PTPRM: variants seen among roughly 807,000 people sequenced by gnomAD.
The protein encoded by PTPRM is receptor-type tyrosine-protein phosphatase mu.
In PTPRM, 47 loss-of-function variants were observed where a neutral mutation model predicts 186.7. The observed-to-expected ratio is 0.25, with a 90% CI of 0.20 to 0.32. The LOEUF is 0.32. Ranked by LOEUF, PTPRM falls within the 10% of genes least tolerant of loss-of-function variation. The pLI is 1.00. For missense variants in PTPRM, 1,494 were observed against 1,865.0 expected (o/e 0.80, Z 3.66); for synonymous variants, 668 against 674.9 (o/e 0.99, Z 0.16).
intron 7 of PTPRM, among the ~76,000 whole-genome samples, chr18:8,041,487 A>G (rs1483328754): frequency 6.6e-6 from 1 of 151,834 alleles, no homozygotes; most frequent in Admixed American, 6.6e-5. Context: ...AAGGCCAAGC[A>G]TATTTGTCAT....
intron 7 of PTPRM, among the ~76,000 whole-genome samples, chr18:8,022,901 C>A (rs1428559362): frequency 6.6e-6 from 1 of 152,156 alleles, no homozygotes; most frequent in Non-Finnish European, 1.5e-5. Context: ...ACTGGACAAG[C>A]TTCTGAGGAA....
chr18:7,643,233 T>G (rs962660316), intron 1 of PTPRM, among the ~76,000 whole-genome samples: 2 of 152,212 alleles, frequency 1.3e-5, no homozygotes, highest in African/African-American at 4.8e-5. Context: ...TATAATGCTT[T>G]ATAAAATAAA....
chr18:7,939,818 G>T (rs1180727825), intron 5 of PTPRM, among the ~76,000 whole-genome samples: 1 of 152,118 alleles, frequency 6.6e-6, no homozygotes, highest in Non-Finnish European at 1.5e-5. Flanking sequence ...ATTTTTTATG[G>T]TCCTTCTGTC....
At chr18:8,044,043 C>A (rs1054626124) in intron 7 of PTPRM, among the ~76,000 whole-genome samples, 1 of 152,208 alleles carries the variant, frequency 6.6e-6, no homozygotes, top group Non-Finnish European at 1.5e-5. Context: ...ACAACAAATT[C>A]TCTGTCTGGA....
chr18:7,942,080 C>T (rs766016749), intron 5 of PTPRM, among the ~76,000 whole-genome samples: 2 of 152,020 alleles, frequency 1.3e-5, no homozygotes, highest in Non-Finnish European at 2.9e-5. Context: ...TTCAGGATTT[C>T]GAGACCAGGC....
At chr18:7,958,444 T>C (rs1482708797) in intron 7 of PTPRM, among the ~76,000 whole-genome samples, 1 of 151,984 alleles carries the variant, frequency 6.6e-6, no homozygotes, top group Non-Finnish European at 1.5e-5. Flanking sequence ...TGAGGAATGG[T>C]GGAAAGAACT....
intron 19 of PTPRM, among the ~76,000 whole-genome samples, chr18:8,295,243 G>A (rs2095083669): frequency 6.6e-6 from 1 of 152,200 alleles, no homozygotes; most frequent in African/African-American, 2.4e-5. Flanking sequence ...CTAAGCAACA[G>A]TTTACCTCAT....
chr18:8,250,428 G>T (rs1354206389), intron 17 of PTPRM, among the ~76,000 whole-genome samples: 1 of 151,972 alleles, frequency 6.6e-6, no homozygotes, highest in Non-Finnish European at 1.5e-5. Flanking sequence ...AAAACTATTA[G>T]TGAGAAGCTT....
rs1302608463 is a variant in PTPRM at position 7,743,634 on chromosome 18, G to A, written c.74-30515G>A. Among the ~76,000 whole-genome samples the A allele has an allele frequency of 2.6e-5, 4 of 152,290 alleles. No individual in the cohort carries two copies. The South Asian group carries it at 8.3e-4, about 32-fold the overall frequency. On this transcript the variant is annotated intron_variant, in intron 1 of 32. Coordinates refer to ENST00000580170, the MANE Select transcript of PTPRM (RefSeq NM_001105244.2). ...AAGAAGTAGACATAGGGCTTTATTA[G>A]TGCAGGATTAAGCATGTAGTTGGCT...
intron 5 of PTPRM, among the ~76,000 whole-genome samples, chr18:7,942,109 C>A (rs539523202): frequency 6.6e-6 from 1 of 151,938 alleles, no homozygotes; most frequent in Admixed American, 6.6e-5. Context: ...ATGGTGAAAC[C>A]CTGTGTCTAC....
chr18:7,873,217 G>A (rs1267336678), intron 2 of PTPRM, among the ~76,000 whole-genome samples: 2 of 152,058 alleles, frequency 1.3e-5, no homozygotes, highest in African/African-American at 4.8e-5. Flanking sequence ...TTTGAGAATC[G>A]ATTAATTTTA....
chr18:7,625,259 C>T (rs2038033632), intron 1 of PTPRM, among the ~76,000 whole-genome samples: 1 of 152,156 alleles, frequency 6.6e-6, no homozygotes, highest in African/African-American at 2.4e-5. Flanking sequence ...AACCTAATAG[C>T]TTATCAATAA....
intron 2 of PTPRM, among the ~76,000 whole-genome samples, chr18:7,842,919 T>A (rs2046409041): frequency 1.2e-5 from 1 of 80,558 alleles, no homozygotes; most frequent in Admixed American, 1.6e-4. Flanking sequence ...TATGTGTGTG[T>A]GTGTGTGTGT....
At chr18:7,906,186 A>T (rs1940848756) in intron 3 of PTPRM, among the ~76,000 whole-genome samples, 1 of 151,858 alleles carries the variant, frequency 6.6e-6, no homozygotes. Flanking sequence ...GTGCCAACTC[A>T]CTATCCTGTG....
At chr18:7,901,368 T>C (rs1286231660) in intron 3 of PTPRM, among the ~76,000 whole-genome samples, 1 of 143,966 alleles carries the variant, frequency 6.9e-6, no homozygotes, top group African/African-American at 2.5e-5. Flanking sequence ...GAGCTGCATG[T>C]TTTTTTTTTC....
chr18:7,621,879 C>G (rs1159750916), intron 1 of PTPRM, among the ~76,000 whole-genome samples: 1 of 152,192 alleles, frequency 6.6e-6, no homozygotes, highest in Non-Finnish European at 1.5e-5. Flanking sequence ...TGAAGGATAT[C>G]TTGGTTGCTT....
intron 1 of PTPRM, among the ~76,000 whole-genome samples, chr18:7,756,634 C>A (rs1443596465): frequency 2.0e-5 from 3 of 152,104 alleles, no homozygotes; most frequent in African/African-American, 7.2e-5. Context: ...TTGTGAGGAG[C>A]ATCCATGGAA....
intron 1 of PTPRM, among the ~76,000 whole-genome samples, chr18:7,752,047 G>A (rs2041243000): frequency 6.6e-6 from 1 of 152,202 alleles, no homozygotes; most frequent in African/African-American, 2.4e-5. Context: ...TTGGCTGAAT[G>A]ACTTTTCTGC....
intron 1 of PTPRM, among the ~76,000 whole-genome samples, chr18:7,728,042 G>A (rs985261850): frequency 1.1e-4 from 17 of 152,166 alleles, no homozygotes; most frequent in Non-Finnish European, 2.2e-4. Context: ...AAATCTTCTT[G>A]TCTCTGGTCT....
Sources: allele counts gnomAD v4.1 joint callset (sites outside exome capture counted in the v4.1 genomes callset), GRCh38; gene constraint gnomAD v4.1.1; transcripts MANE v1.5; gene names NCBI Gene and HGNC (gene_info 2026-07-23, HGNC 2026-07-21).